The following KCNH5 variants were observed in gnomAD, a reference collection of about 807,000 sequenced individuals.
KCNH5 encodes voltage-gated delayed rectifier potassium channel KCNH5.
Under a neutral mutation model 96.1 loss-of-function variants are expected in KCNH5, and 46 were observed. The observed-to-expected ratio is 0.48, with a 90% CI of 0.38 to 0.61. KCNH5 has a LOEUF of 0.61. Ranked by LOEUF, KCNH5 falls within the 20% of genes least tolerant of loss-of-function variation. The probability of loss-of-function intolerance (pLI) is 0.00; values close to 1 mark genes in which losing one functional copy is unlikely to be tolerated. For missense variants in KCNH5, 907 were observed against 1,225.8 expected, an observed-to-expected ratio of 0.74 and a Z score of 3.88; for synonymous variants, 439 against 449.8, an observed-to-expected ratio of 0.98 and a Z score of 0.30.
intron 7 of KCNH5, among the ~76,000 whole-genome samples, chr14:62,889,596 C>T (rs1023880767): frequency 6.6e-6 from 1 of 152,192 alleles, no homozygotes; most frequent in South Asian, 2.1e-4. Context: ...TCCCATTCCT[C>T]TGCCTCTCCG....
intron 10 of KCNH5, among the ~76,000 whole-genome samples, chr14:62,758,022 G>C (rs1285294883): frequency 6.6e-6 from 1 of 151,874 alleles, no homozygotes; most frequent in Non-Finnish European, 1.5e-5. Flanking sequence ...GCATGCACCT[G>C]TAATCCCAGC....
chr14:62,947,206 TCTAA>T (rs1266341658), intron 7 of KCNH5, among the ~76,000 whole-genome samples: 4 of 152,196 alleles, frequency 2.6e-5, no homozygotes, highest in South Asian at 4.1e-4. Context: ...TCTTTTTTAA[TCTAA>T]CTATGCTCAA....
At chr14:62,856,053 T>A (rs947641547) in intron 7 of KCNH5, among the ~76,000 whole-genome samples, 1 of 152,222 alleles carries the variant, frequency 6.6e-6, no homozygotes, top group Non-Finnish European at 1.5e-5. Flanking sequence ...TTATAGTTTA[T>A]AAAAATTCAT....
intron 7 of KCNH5, among the ~76,000 whole-genome samples, chr14:62,924,584 G>A (rs577528842): frequency 6.6e-6 from 1 of 151,952 alleles, no homozygotes; most frequent in South Asian, 2.1e-4. Flanking sequence ...ACCATCAACA[G>A]ATGAATGAAT....
chr14:62,811,414 A>G (rs1408661967), intron 8 of KCNH5, among the ~76,000 whole-genome samples: 1 of 152,042 alleles, frequency 6.6e-6, no homozygotes, highest in Non-Finnish European at 1.5e-5. Context: ...TAAGCTTGCC[A>G]TGTTCTCCCA....
At chr14:62,963,545 C>T (rs1268640) in intron 6 of KCNH5, among the ~76,000 whole-genome samples, 32,208 of 145,168 alleles carry the variant, frequency 0.22, 3,940 homozygotes, top group Non-Finnish European at 0.29. Flanking sequence ...AAATTCCAGT[C>T]CAAAAGCAAG....
rs1884482133 is a variant in KCNH5, at chr14:62,708,191, G to C, written c.2284C>G (p.Gln762Glu). Residue 762 changes from glutamine to glutamate, a missense_variant, in exon 11 of 11, where the codon CAG becomes GAG. Gln to Glu is a conservative substitution (Grantham distance 29, BLOSUM62 2). Coordinates refer to ENST00000322893, the MANE Select transcript of KCNH5 (RefSeq NM_139318.5). ...GTTTTCACATAGGCCAGAGACGTCT[G>C]AATGGGAGTAATCTGTGACACAGTC... Reference protein sequence around the residue: ...VVTVSQITPIQTSLAYVKTSE... With the variant: ...VVTVSQITPIETSLAYVKTSE... 1.9e-6 allele frequency: 3 copies of C among 1,614,122 alleles called. No homozygotes were observed. The highest frequency in any genetic ancestry group is 2.5e-6 in the Non-Finnish European group (3 of 1,180,052).
chr14:62,943,644 A>G (rs575967546), intron 7 of KCNH5, among the ~76,000 whole-genome samples: 2 of 152,286 alleles, frequency 1.3e-5, no homozygotes, highest in African/African-American at 4.8e-5. Context: ...TTCTCTCACA[A>G]AAGCCCTTTG....
chr14:63,002,436 C>T (rs1054636758), intron 3 of KCNH5, among the ~76,000 whole-genome samples: 1 of 152,188 alleles, frequency 6.6e-6, no homozygotes, highest in Non-Finnish European at 1.5e-5. Context: ...CAAAGAGACA[C>T]TTTTCTCATT....
rs200708842 is a variant in KCNH5 at position 62,988,379 on chromosome 14, CA to C, written c.434-1193del. Among the ~76,000 whole-genome samples the C allele has an allele frequency of 4.9e-3, 723 of 147,906 alleles. 6 individuals are homozygous for C. The highest frequency in any genetic ancestry group is 0.016 in the African/African-American group (655 of 40,430). ...AATGATGAAATTTCAGATGATATGA[CA>C]AAAAAAAAATTAAGGAAGAAATTCT... is the stretch of plus-strand genomic sequence containing the variant. On this transcript the variant is annotated intron_variant, in intron 4 of 10. Transcript: ENST00000322893.
At chr14:62,817,066 G>C (rs1277178442) in intron 8 of KCNH5, among the ~76,000 whole-genome samples, 1 of 139,068 alleles carries the variant, frequency 7.2e-6, no homozygotes, top group Non-Finnish European at 1.5e-5. Flanking sequence ...AGTTCTGTGT[G>C]TGTGTATCTA....
chr14:62,873,376 C>T (rs962142066), intron 7 of KCNH5, among the ~76,000 whole-genome samples: 2 of 152,178 alleles, frequency 1.3e-5, no homozygotes, highest in Admixed American at 1.3e-4. Flanking sequence ...TAGAATGTGG[C>T]TCTTGAGTGA....
intron 7 of KCNH5, among the ~76,000 whole-genome samples, chr14:62,917,438 T>G (rs1037150274): frequency 3.3e-5 from 5 of 151,884 alleles, no homozygotes; most frequent in African/African-American, 1.2e-4. Context: ...TAATTAATGA[T>G]GTGAATCAAC....
intron 3 of KCNH5, among the ~76,000 whole-genome samples, chr14:63,005,577 A>C (rs917770302): frequency 7.2e-5 from 11 of 152,210 alleles, no homozygotes; most frequent in Admixed American, 6.5e-4. Flanking sequence ...TCATCTTATG[A>C]AGTGACTGTT....
intron 3 of KCNH5, 83 bp from the exon 4 acceptor site, chr14:63,001,542 C>A: frequency 7.6e-7 from 1 of 1,311,270 alleles, no homozygotes; most frequent in East Asian, 2.5e-5. Context: ...TTCCTTCTTC[C>A]TTCAGCTGCC....
intron 1 of KCNH5, among the ~76,000 whole-genome samples, chr14:63,033,050 C>A (rs1891658378): frequency 6.6e-6 from 1 of 152,118 alleles, no homozygotes; most frequent in Non-Finnish European, 1.5e-5. Flanking sequence ...CTGATACATC[C>A]ATTTCTCCCC....
chr14:62,981,559 G>A (rs540732086), intron 5 of KCNH5, among the ~76,000 whole-genome samples: 2 of 152,340 alleles, frequency 1.3e-5, no homozygotes, highest in South Asian at 4.1e-4. Flanking sequence ...CACTCTGCAA[G>A]CCTGCCTAGA....
intron 8 of KCNH5, among the ~76,000 whole-genome samples, chr14:62,842,460 T>A (rs556386099): frequency 6.6e-6 from 1 of 152,368 alleles, no homozygotes; most frequent in Admixed American, 6.5e-5. Flanking sequence ...GAGAAACACA[T>A]GTAGATGTAA....
intron 7 of KCNH5, among the ~76,000 whole-genome samples, chr14:62,901,971 T>C (rs1315892577): frequency 1.3e-5 from 2 of 152,230 alleles, no homozygotes; most frequent in African/African-American, 4.8e-5. Context: ...TCTCTGATGA[T>C]CAGAGGTGTG....
Sources: allele counts gnomAD v4.1 joint callset (sites outside exome capture counted in the v4.1 genomes callset), GRCh38; gene constraint gnomAD v4.1.1; transcripts MANE v1.5; gene names NCBI Gene and HGNC (gene_info 2026-07-23, HGNC 2026-07-21).